The following GTF2H4 variants were observed in gnomAD, a reference collection of about 807,000 sequenced individuals.
The protein encoded by GTF2H4 is general transcription factor IIH subunit 4.
A neutral mutation model predicts 62.2 loss-of-function variants in GTF2H4; 49 were observed. The ratio of observed to expected loss-of-function variants is 0.79; its 90% confidence interval spans 0.63 to 1.00. The LOEUF (loss-of-function observed/expected upper bound fraction) is 1.00. Ranked by LOEUF, GTF2H4 falls within the 50% of genes least tolerant of loss-of-function variation. The probability of loss-of-function intolerance (pLI) is 0.00; values close to 1 mark genes in which losing one functional copy is unlikely to be tolerated. For missense variants in GTF2H4, 479 were observed against 587.8 expected, an observed-to-expected ratio of 0.81 and a Z score of 1.91; for synonymous variants, 189 against 233.8, an observed-to-expected ratio of 0.81 and a Z score of 1.75.
Position 30,913,950 on chromosome 6 carries a change from G to A in GTF2H4, c.1356G>A (p.Lys452=). The change falls in exon 14 of 14, where the codon AAG becomes AAA. Residue 452 remains lysine (K), a synonymous_variant. Coordinates refer to ENST00000259895, the MANE Select transcript of GTF2H4 (RefSeq NM_001517.5). The surrounding 1 kb of genome is among the most constrained non-coding windows in gnomAD (Gnocchi z 4.2). ...VVTPAGHSDV[K]RFWKRQKHSS is the part of the protein sequence containing the mutation. ...CCCCGGCCGGGCACAGCGACGTCAAGCGCTTTTGGAAGCGGCAGAAACATA... is the reference window on the plus strand; with the variant it reads ...CCCCGGCCGGGCACAGCGACGTCAAACGCTTTTGGAAGCGGCAGAAACATA... The A allele has an allele frequency of 6.2e-7, 1 of 1,605,250 alleles. No homozygotes were observed. The highest frequency in any genetic ancestry group is 8.5e-7 in the Non-Finnish European group (1 of 1,176,214).
rs3218825 is a variant in GTF2H4, at chr6:30,913,254, C to A, written c.1138-55C>A. ...CAAATCTGGGGAAGAAACAGAGGGC[C>A]GGGTTGTCTGGGGCAGTATTCTGAG... is the stretch of plus-strand genomic sequence containing the variant. On this transcript the variant is annotated intron_variant, in intron 12 of 13. Coordinates refer to ENST00000259895, the MANE Select transcript of GTF2H4 (RefSeq NM_001517.5). This position sits in a 1 kb window ranked among gnomAD's most constrained non-coding sequence, Gnocchi z 4.2. 1.9e-6 allele frequency: 3 copies of A among 1,612,064 alleles called. No individual in the cohort carries two copies.
chr6:30,908,791 T>G lies in GTF2H4; in HGVS notation c.-3-243T>G, dbSNP rs1477848447. Among the ~76,000 whole-genome samples the G allele has an allele frequency of 2.0e-5, 3 of 152,116 alleles. No homozygotes were observed. In the South Asian group the frequency reaches 6.2e-4, roughly 32 times the overall value. ...CTTGCAAACACTGGACAGTTAACAA[T>G]TCTGTCACTTGGTAATTGAGGGAAG... On this transcript the variant is annotated intron_variant, in intron 1 of 13. Coordinates refer to ENST00000259895, the MANE Select transcript of GTF2H4 (RefSeq NM_001517.5).
Position 30,911,526 on chromosome 6 carries a change from G to C in GTF2H4, c.741+27G>C, listed in dbSNP as rs1232679231. On this transcript the variant is annotated intron_variant, in intron 8 of 13. Coordinates refer to ENST00000259895, the MANE Select transcript of GTF2H4 (RefSeq NM_001517.5). The surrounding 1 kb of genome is among the most constrained non-coding windows in gnomAD (Gnocchi z 4.3). ...TAAGCAGGGGGCTGAAAGGTATAGA[G>C]ATGGGAAGGGGAAAGCAAGTTGTGG... The C allele has an allele frequency of 6.3e-7, 1 of 1,596,056 alleles. No homozygotes were observed. Among genetic ancestry groups the C allele is most frequent in the Non-Finnish European group, 8.6e-7 (1 of 1,164,210 alleles).
At position 30,912,141 on chromosome 6, in the gene GTF2H4, A is replaced by G; in HGVS notation, c.953A>G (p.Tyr318Cys). The part of the protein sequence containing the change: ...VVETNYRLYA[Y>C]TESELQIALI... ...GAAACCAATTACCGACTGTATGCCT[A>G]CACGGGTGAGGCGGGACAGAGGGCC... The change falls in exon 10 of 14, where the codon TAC becomes TGC. Residue 318 changes from tyrosine to cysteine, a missense_variant. Coordinates refer to ENST00000259895, the MANE Select transcript of GTF2H4 (RefSeq NM_001517.5). This position sits in a 1 kb window ranked among gnomAD's most constrained non-coding sequence, Gnocchi z 4.8. 3.1e-6 allele frequency: 5 copies of G among 1,612,958 alleles called. No individual in the cohort carries two copies. Among genetic ancestry groups the G allele is most frequent in the Non-Finnish European group, 4.2e-6 (5 of 1,180,016 alleles).
chr6:30,911,245 G>C lies in GTF2H4; in HGVS notation c.648G>C (p.Met216Ile). 1 of 1,613,520 alleles carries C rather than the reference G, an allele frequency of 6.2e-7. No homozygotes were observed. Among genetic ancestry groups the C allele is most frequent in the Non-Finnish European group, 8.5e-7 (1 of 1,179,974 alleles). ...LDTPAQLWYF[M>I]LQYLQTAQSR... ...CCCCGGCTCAGCTCTGGTACTTTAT[G>C]TTGCAGTATTTGCAGACAGCCCAGG... Residue 216 changes from methionine to isoleucine, a missense_variant, in exon 7 of 14, where the codon ATG (methionine) becomes ATC (isoleucine). Coordinates refer to ENST00000259895, the MANE Select transcript of GTF2H4 (RefSeq NM_001517.5). This position sits in a 1 kb window ranked among gnomAD's most constrained non-coding sequence, Gnocchi z 4.3.
chr6:30,910,648 G>A lies in GTF2H4; in HGVS notation c.375-17G>A, dbSNP rs764760819. ...GCCTGGCCAGGGTTCCTTACTCTTG[G>A]CCCATCCTGGCCGTAGGGGGAAGGC... On this transcript the variant is annotated splice_polypyrimidine_tract_variant and intron_variant, in intron 4 of 13. Transcript: ENST00000259895. The surrounding 1 kb of genome is among the most constrained non-coding windows in gnomAD (Gnocchi z 4.7). 1.9e-6 allele frequency: 3 copies of A among 1,598,598 alleles called. No individual in the cohort carries two copies. In the Admixed American group the frequency reaches 5.0e-5, roughly 27 times the overall value.
In GTF2H4 at chr6:30,911,034, T is replaced by G. The variant is rs982118371; in HGVS notation, c.560+93T>G. ...TGGGGCTAGTCAAGATCAGAGGACA[T>G]TAGCTGGAAAAGGCAAGCTGAGTAG... is the stretch of plus-strand genomic sequence containing the variant. On this transcript the variant is annotated intron_variant, in intron 6 of 13. Transcript: ENST00000259895. This position sits in a 1 kb window ranked among gnomAD's most constrained non-coding sequence, Gnocchi z 4.3. 1.3e-4 allele frequency: 175 copies of G among 1,355,628 alleles called. No individual in the cohort carries two copies. The highest frequency in any genetic ancestry group is 5.8e-4 in the Middle Eastern group (3 of 5,158). The allele number at this position is 1,355,628 out of a possible 1,614,324, so 84.0% of individuals were successfully genotyped here. A position where few individuals can be genotyped will look rare whatever the true frequency, so the allele number is the denominator to read the frequency against.
Position 30,909,852 on chromosome 6 carries a change from G to T in GTF2H4, c.243-80G>T. The T allele has an allele frequency of 7.1e-7, 1 of 1,409,784 alleles. No individual in the cohort carries two copies. The highest frequency in any genetic ancestry group is 1.3e-5 in the South Asian group (1 of 75,292). The allele number at this position is 1,409,784 out of a possible 1,614,324, so 87.3% of individuals were successfully genotyped here. A position where few individuals can be genotyped will look rare whatever the true frequency, so the allele number is the denominator to read the frequency against. ...AGTGTTCCAAGGGTCAGCAAGTTCA[G>T]AACAGGCAGAGATGGTGGCTTTTAT... On this transcript the variant is annotated intron_variant, in intron 3 of 13. Transcript: ENST00000259895. The surrounding 1 kb of genome is among the most constrained non-coding windows in gnomAD (Gnocchi z 4.3).
Position 30,913,509 on chromosome 6 carries a change from TG to T in GTF2H4, c.1216+123del. ...AAAAGCTGGCAAGACAGTTTTTTGT[TG>T]TTTTGGGGTGAGTCGGTAGTAAACA... On this transcript the variant is annotated intron_variant, in intron 13 of 13. Coordinates refer to ENST00000259895, the MANE Select transcript of GTF2H4 (RefSeq NM_001517.5). The surrounding 1 kb of genome is among the most constrained non-coding windows in gnomAD (Gnocchi z 4.2). 1 of 1,122,354 alleles carries T rather than the reference TG, an allele frequency of 8.9e-7. No homozygotes were observed. The highest frequency in any genetic ancestry group is 2.0e-4 in the Middle Eastern group (1 of 4,886). The allele number at this position is 1,122,354 out of a possible 1,614,324, so 69.5% of individuals were successfully genotyped here. A position where few individuals can be genotyped will look rare whatever the true frequency, so the allele number is the denominator to read the frequency against.
chr6:30,912,361 T>C lies in GTF2H4; in HGVS notation c.992T>C (p.Phe331Ser). The C allele has an allele frequency of 1.9e-6, 3 of 1,612,932 alleles. No individual in the cohort carries two copies. Among genetic ancestry groups the C allele is most frequent in the Non-Finnish European group, 2.5e-6 (3 of 1,180,004 alleles). ...SELQIALIAL[F>S]SEMLYRFPNM... ...CTGCAGATTGCCCTCATTGCCCTCTTCTCTGAGATGCTCTATCGGTTCCCC... is the reference window on the plus strand; with the variant it reads ...CTGCAGATTGCCCTCATTGCCCTCTCCTCTGAGATGCTCTATCGGTTCCCC... Residue 331 changes from phenylalanine to serine, a missense_variant, in exon 11 of 14, where the codon TTC (phenylalanine) becomes TCC (serine). Coordinates refer to ENST00000259895, the MANE Select transcript of GTF2H4 (RefSeq NM_001517.5). The surrounding 1 kb of genome is among the most constrained non-coding windows in gnomAD (Gnocchi z 4.8).
At position 30,913,291 on chromosome 6, in the gene GTF2H4, A is replaced by G; in HGVS notation, c.1138-18A>G. 1 of 1,613,832 alleles carries G rather than the reference A, an allele frequency of 6.2e-7. No individual in the cohort carries two copies. The highest frequency in any genetic ancestry group is 8.5e-7 in the Non-Finnish European group (1 of 1,179,876). On this transcript the variant is annotated intron_variant, in intron 12 of 13. Transcript: ENST00000259895. This position sits in a 1 kb window ranked among gnomAD's most constrained non-coding sequence, Gnocchi z 4.2. ...GGCAGTATTCTGAGTCCCTACAGTC[A>G]ACCCTTGCTCCTTGCAGACACCTGT...
Position 30,909,025 on chromosome 6 carries a change from A to T in GTF2H4, c.-3-9A>T, listed in dbSNP as rs1440587903. 1 of 1,613,904 alleles carries T rather than the reference A, an allele frequency of 6.2e-7. No homozygotes were observed. Among genetic ancestry groups the T allele is most frequent in the Non-Finnish European group, 8.5e-7 (1 of 1,180,014 alleles). ...GTGAGGTTGCACTTCTGACGTTTGC[A>T]TTCCTCAGGTGATGGAGAGCACCCC... is the stretch of plus-strand genomic sequence containing the variant. On this transcript the variant is annotated splice_polypyrimidine_tract_variant and intron_variant, in intron 1 of 13. Coordinates refer to ENST00000259895, the MANE Select transcript of GTF2H4 (RefSeq NM_001517.5). This position sits in a 1 kb window ranked among gnomAD's most constrained non-coding sequence, Gnocchi z 4.3.
At position 30,910,568 on chromosome 6, in the gene GTF2H4, T is replaced by G; in HGVS notation, c.375-97T>G. ...CTGGTCTTGAACTCCTGACCTCAAG[T>G]GATCCGCCCATCTCGGCCTCCCAAA... On this transcript the variant is annotated intron_variant, in intron 4 of 13. Coordinates refer to ENST00000259895, the MANE Select transcript of GTF2H4 (RefSeq NM_001517.5). The surrounding 1 kb of genome is among the most constrained non-coding windows in gnomAD (Gnocchi z 4.7). 2.4e-6 allele frequency: 2 copies of G among 844,120 alleles called. No individual in the cohort carries two copies. The highest frequency in any genetic ancestry group is 4.0e-6 in the Non-Finnish European group (2 of 495,916). The allele number at this position is 844,120 out of a possible 1,614,324, so 52.3% of individuals were successfully genotyped here. A position where few individuals can be genotyped will look rare whatever the true frequency, so the allele number is the denominator to read the frequency against.
chr6:30,910,958 T>C lies in GTF2H4; in HGVS notation c.560+17T>C, dbSNP rs1305510318. 1 of 1,572,594 alleles carries C rather than the reference T, an allele frequency of 6.4e-7. No individual in the cohort carries two copies. Among genetic ancestry groups the C allele is most frequent in the Non-Finnish European group, 8.7e-7 (1 of 1,151,548 alleles). On this transcript the variant is annotated intron_variant, in intron 6 of 13. Coordinates refer to ENST00000259895, the MANE Select transcript of GTF2H4 (RefSeq NM_001517.5). The surrounding 1 kb of genome is among the most constrained non-coding windows in gnomAD (Gnocchi z 4.7). ...CATGAAGAGGTGAGGAAGCCGGAGG[T>C]ACAGCAGCTCTCTGCTGTGCCATCT...
At chr6:30,908,791 T>C (rs1477848447) in intron 1 of GTF2H4, among the ~76,000 whole-genome samples, 3 of 152,116 alleles carry the variant, frequency 2.0e-5, no homozygotes, top group Non-Finnish European at 4.4e-5. Context: ...CAGTTAACAA[T>C]TCTGTCACTT....
At position 30,911,614 on chromosome 6, in the gene GTF2H4, G is replaced by C. The variant is rs535655720; in HGVS notation, c.742-70G>C. ...GAACGAACAGAGATGGAGAAAGAAA[G>C]AATGAATGTATGGGGTTGGGGGTGG... On this transcript the variant is annotated intron_variant, in intron 8 of 13. Coordinates refer to ENST00000259895, the MANE Select transcript of GTF2H4 (RefSeq NM_001517.5). This position sits in a 1 kb window ranked among gnomAD's most constrained non-coding sequence, Gnocchi z 4.3. 2.4e-6 allele frequency: 2 copies of C among 819,012 alleles called. No individual in the cohort carries two copies. The highest frequency in any genetic ancestry group is 1.9e-6 in the Non-Finnish European group (1 of 518,528). 50.7% of individuals were successfully genotyped at this position (819,012 alleles called of 1,614,324 possible). A position where few individuals can be genotyped will look rare whatever the true frequency, so the allele number is the denominator to read the frequency against.
At position 30,909,537 on chromosome 6, in the gene GTF2H4, C is replaced by T. The variant is rs140677952; in HGVS notation, c.240C>T (p.Ser80=). Residue 80 remains serine (S), a splice_region_variant and synonymous_variant, in exon 3 of 14, where the codon AGC becomes AGT. Coordinates refer to ENST00000259895, the MANE Select transcript of GTF2H4 (RefSeq NM_001517.5). The surrounding 1 kb of genome is among the most constrained non-coding windows in gnomAD (Gnocchi z 4.3). The part of the protein sequence containing the change: ...AVALWVKKEF[S]KAQEESTGLL... Reference sequence around the variant, plus strand: ...CTCTGTGGGTAAAGAAGGAATTCAGCAAGTAAGTCTCAGCCAGATACAAAT... The same window carrying T: ...CTCTGTGGGTAAAGAAGGAATTCAGTAAGTAAGTCTCAGCCAGATACAAAT... 352 of 1,586,818 alleles carry T rather than the reference C, an allele frequency of 2.2e-4. No homozygotes were observed. The highest frequency in any genetic ancestry group is 2.7e-4 in the Non-Finnish European group (318 of 1,156,504).
chr6:30,913,864 C>G lies in GTF2H4; in HGVS notation c.1270C>G (p.His424Asp). The change falls in exon 14 of 14, where the codon CAC becomes GAC. Residue 424 changes from histidine to aspartate, a missense_variant. By Grantham distance (81) the His-to-Asp change is moderately conservative. Transcript: ENST00000259895. This position sits in a 1 kb window ranked among gnomAD's most constrained non-coding sequence, Gnocchi z 4.2. ...SQVDFELLLA[H>D]ARELGVLVFE... The stretch of plus-strand genomic sequence containing the variant: ...AGTGGACTTTGAGCTGCTGCTGGCC[C>G]ACGCGCGGGAGCTGGGCGTGCTCGT... 1.9e-6 allele frequency: 3 copies of G among 1,607,496 alleles called. No individual in the cohort carries two copies. Among genetic ancestry groups the G allele is most frequent in the Non-Finnish European group, 2.5e-6 (3 of 1,177,222 alleles).
Position 30,911,425 on chromosome 6 carries a change from C to T in GTF2H4, c.673-6C>T. On this transcript the variant is annotated splice_region_variant and splice_polypyrimidine_tract_variant and intron_variant, in intron 7 of 13. Coordinates refer to ENST00000259895, the MANE Select transcript of GTF2H4 (RefSeq NM_001517.5). This position sits in a 1 kb window ranked among gnomAD's most constrained non-coding sequence, Gnocchi z 4.3. ...TCCTCCTTTGTCTCTGCCTCTTTCT[C>T]CCTAGAGCCGGGGCATGGACCTGGT... The T allele has an allele frequency of 6.2e-7, 1 of 1,612,822 alleles. No individual in the cohort carries two copies. Among genetic ancestry groups the T allele is most frequent in the Non-Finnish European group, 8.5e-7 (1 of 1,178,978 alleles).
Sources: allele counts gnomAD v4.1 joint callset (sites outside exome capture counted in the v4.1 genomes callset), GRCh38; gene constraint gnomAD v4.1.1; non-coding constraint Gnocchi (gnomAD v3.1); transcripts MANE v1.5; gene names NCBI Gene and HGNC (gene_info 2026-07-23, HGNC 2026-07-21).